Variants in RBPJ observed in about 807,000 individuals in gnomAD.
RBPJ encodes recombination signal binding protein for immunoglobulin kappa J region, also known as recombining binding protein suppressor of hairless.
A neutral mutation model predicts 67.8 loss-of-function variants in RBPJ; 9 were observed. That is an observed-to-expected ratio of 0.13 (90% confidence interval 0.08 to 0.23). The LOEUF (loss-of-function observed/expected upper bound fraction) is 0.23. Ranked by LOEUF, RBPJ falls within the 10% of genes least tolerant of loss-of-function variation. The pLI is 1.00. For missense variants in RBPJ, 305 were observed against 595.6 expected, an observed-to-expected ratio of 0.51 and a Z score of 5.08; for synonymous variants, 198 against 203.3, an observed-to-expected ratio of 0.97 and a Z score of 0.22.
At chr4:26,182,200 G>C (rs1560200177) in intron 1 of RBPJ, among the ~76,000 whole-genome samples, 1 of 151,956 alleles carries the variant, frequency 6.6e-6, no homozygotes, top group Non-Finnish European at 1.5e-5. Flanking sequence ...AAATTAGCCG[G>C]GCGCCGTGGC....
intron 1 of RBPJ, among the ~76,000 whole-genome samples, chr4:26,274,891 G>A (rs762114554): frequency 1.3e-5 from 2 of 151,900 alleles, no homozygotes; most frequent in East Asian, 3.9e-4. Flanking sequence ...CTGAGATCAC[G>A]CCATTGCATG....
chr4:26,417,176 A>G (rs1734675199), intron 4 of RBPJ, among the ~76,000 whole-genome samples: 1 of 152,194 alleles, frequency 6.6e-6, no homozygotes, highest in Non-Finnish European at 1.5e-5. Flanking sequence ...GAAGCCAGGG[A>G]TTCTAGCTAC....
At chr4:26,389,187 C>T (rs1313939582) in intron 2 of RBPJ, among the ~76,000 whole-genome samples, 3 of 151,468 alleles carry the variant, frequency 2.0e-5, no homozygotes, top group Non-Finnish European at 4.4e-5. Context: ...TGAGATCACA[C>T]CACTGCACTC....
At chr4:26,409,467 A>C (rs965658415) in intron 3 of RBPJ, among the ~76,000 whole-genome samples, 8 of 152,156 alleles carry the variant, frequency 5.3e-5, no homozygotes, top group Non-Finnish European at 1.5e-5. Flanking sequence ...AAAATGGAAA[A>C]TTTAACCATA....
At chr4:26,211,869 T>C (rs1356369787) in intron 1 of RBPJ, among the ~76,000 whole-genome samples, 1 of 152,152 alleles carries the variant, frequency 6.6e-6, no homozygotes, top group Non-Finnish European at 1.5e-5. Context: ...TGGAGTACAG[T>C]AGACCATCCA....
intron 1 of RBPJ, among the ~76,000 whole-genome samples, chr4:26,207,975 C>T (rs1718228449): frequency 6.6e-6 from 1 of 152,166 alleles, no homozygotes; most frequent in African/African-American, 2.4e-5. Flanking sequence ...GACACTGTTT[C>T]CTATGGTCCT....
the RBPJ span, among the ~76,000 whole-genome samples, chr4:26,111,359 T>C: frequency 1.3e-5 from 2 of 152,264 alleles, no homozygotes; most frequent in Admixed American, 1.3e-4. Flanking sequence ...TCCCTATCTC[T>C]ATATAGTGGG....
intron 2 of RBPJ, among the ~76,000 whole-genome samples, chr4:26,392,490 A>G (rs1459059757): frequency 6.6e-6 from 1 of 152,248 alleles, no homozygotes; most frequent in Non-Finnish European, 1.5e-5. Flanking sequence ...TAAAAAAGGA[A>G]TGAACTTGAT....
At chr4:26,362,530 T>C in intron 1 of RBPJ, 1 of 1,597,008 alleles carries the variant, frequency 6.3e-7, no homozygotes, top group Non-Finnish European at 8.5e-7. Flanking sequence ...AGGAGAATGA[T>C]ACAGATACAC....
intron 1 of RBPJ, among the ~76,000 whole-genome samples, chr4:26,167,192 G>A (rs980553995): frequency 1.1e-4 from 17 of 151,740 alleles, no homozygotes; most frequent in Admixed American, 2.0e-4. Context: ...TTGACTTGGC[G>A]ATGCAGGCTC....
At chr4:26,260,772 A>G (rs1349994232) in intron 1 of RBPJ, among the ~76,000 whole-genome samples, 4 of 152,180 alleles carry the variant, frequency 2.6e-5, no homozygotes, top group African/African-American at 9.7e-5. Flanking sequence ...AATGCAAATC[A>G]GCATTTTCTC....
At chr4:26,379,652 C>T (rs1730117453) in intron 1 of RBPJ, among the ~76,000 whole-genome samples, 1 of 152,086 alleles carries the variant, frequency 6.6e-6, no homozygotes, top group South Asian at 2.1e-4. Flanking sequence ...AGGTTCCTCC[C>T]TCGACACATG....
At chr4:26,233,887 A>G (rs1436334390) in intron 1 of RBPJ, among the ~76,000 whole-genome samples, 1 of 152,260 alleles carries the variant, frequency 6.6e-6, no homozygotes. Context: ...AGTAGGTGGC[A>G]TAGAATATCA....
At chr4:26,355,485 C>CA (rs33950714) in intron 1 of RBPJ, among the ~76,000 whole-genome samples, 3,457 of 131,708 alleles carry the variant, frequency 0.026, 73 homozygotes, top group African/African-American at 0.052. Context: ...TCATCTCTAC[C>CA]AAAAAAAAAA....
intron 2 of RBPJ, among the ~76,000 whole-genome samples, chr4:26,395,676 C>A (rs1732048328): frequency 6.6e-6 from 1 of 152,084 alleles, no homozygotes; most frequent in Non-Finnish European, 1.5e-5. Flanking sequence ...GTGGAAGCAC[C>A]CCGAGCCATT....
the RBPJ span, among the ~76,000 whole-genome samples, chr4:26,154,742 C>A: frequency 1.3e-5 from 2 of 152,192 alleles, no homozygotes. Context: ...TCTGGCAAGG[C>A]CTAAGGAAGC....
At position 26,434,420 on chromosome 4, in the gene RBPJ, A is replaced by G. The variant is rs1313744711; in HGVS notation, c.*3413A>G. On this transcript the variant is annotated 3_prime_UTR_variant, in exon 11 of 11. Transcript: ENST00000355476. ...TTTTGAAACAAAATGCTGTTCAGTT[A>G]GTAACCAAGTTACTTTGATTGCAAA... 1.3e-5 allele frequency: 2 copies of G among 152,362 alleles called. No individual in the cohort carries two copies. Among genetic ancestry groups the G allele is most frequent in the East Asian group, 3.9e-4 (2 of 5,192 alleles). The allele number at this position is 152,362 out of a possible 1,614,324, so 9.4% of individuals were successfully genotyped here.
rs561881658 is a variant in RBPJ at position 26,229,031 on chromosome 4, GT to G, written c.-167+65422del. Among the ~76,000 whole-genome samples the G allele has an allele frequency of 9.8e-5, 15 of 152,286 alleles. 2 individuals are homozygous for G. Among genetic ancestry groups the G allele is most frequent in the African/African-American group, 3.6e-4 (15 of 41,558 alleles). ...GAGCCTTAGAGCTCTTCTTGGCTTT[GT>G]TTTTCTAAAAAGTACCCATGACTAT... On this transcript the variant is annotated intron_variant, in intron 1 of 4. Coordinates refer to the RBPJ transcript ENST00000512351.
intron 1 of RBPJ, among the ~76,000 whole-genome samples, chr4:26,235,151 A>G (rs1165082234): frequency 6.6e-6 from 1 of 152,258 alleles, no homozygotes; most frequent in Non-Finnish European, 1.5e-5. Flanking sequence ...TTAATCAAGT[A>G]TCTAATATGT....
Sources: allele counts gnomAD v4.1 joint callset (sites outside exome capture counted in the v4.1 genomes callset), GRCh38; gene constraint gnomAD v4.1.1; transcripts MANE v1.5; gene names NCBI Gene and HGNC (gene_info 2026-07-23, HGNC 2026-07-21).